The following CYP39A1 variants were observed in gnomAD, a reference collection of about 807,000 sequenced individuals.
The protein encoded by CYP39A1 is cytochrome P450 family 39 subfamily A member 1, also known as 24-hydroxycholesterol 7-alpha-hydroxylase.
In CYP39A1, 49 loss-of-function variants were observed where a neutral mutation model predicts 58.1. The ratio of observed to expected loss-of-function variants is 0.84; its 90% CI spans 0.67 to 1.07. The LOEUF (loss-of-function observed/expected upper bound fraction) is 1.07, where lower values mean the gene tolerates loss of function less well. Ranked by LOEUF, CYP39A1 falls within the 50% of genes least tolerant of loss-of-function variation. CYP39A1 has a pLI of 0.00. For missense variants in CYP39A1, 531 were observed against 539.4 expected (o/e 0.98, Z 0.16); for synonymous variants, 209 against 187.6 (o/e 1.11, Z -0.93).
intron 10 of CYP39A1, among the ~76,000 whole-genome samples, chr6:46,567,445 T>G (rs1459938993): frequency 6.6e-6 from 1 of 152,162 alleles, no homozygotes; most frequent in African/African-American, 2.4e-5. Context: ...GGGCAAATAC[T>G]TCTTTTGAGA....
rs757891262 is a variant in CYP39A1 at position 46,636,451 on chromosome 6, C to A, written c.670G>T (p.Glu224Ter). ...NWSKSKKWFLELFEKNIPDIK... is the reference protein window; with the variant it reads ...NWSKSKKWFL Reference sequence around the variant, plus strand: ...TCTGGAATGTTTTTCTCAAACAGTTCCAGGAACCACTTTTTGGATTTTGAC... The same window carrying A: ...TCTGGAATGTTTTTCTCAAACAGTTACAGGAACCACTTTTTGGATTTTGAC... Residue 224 changes from glutamate to a stop codon, truncating the protein, a stop_gained, in exon 5 of 12, where the codon GAA becomes TAA. Coordinates refer to ENST00000275016, the MANE Select transcript of CYP39A1 (RefSeq NM_016593.5). LOFTEE classifies it high-confidence loss of function. 3.1e-6 allele frequency: 5 copies of A among 1,607,972 alleles called. No homozygotes were observed. The highest frequency in any genetic ancestry group is 4.2e-6 in the Non-Finnish European group (5 of 1,178,358).
chr6:46,623,354 T>A (rs146459170), intron 7 of CYP39A1, among the ~76,000 whole-genome samples: 241 of 152,204 alleles, frequency 1.6e-3, no homozygotes, highest in African/African-American at 5.6e-3. Flanking sequence ...ACTCAACAGA[T>A]TAGATGATGC....
intron 10 of CYP39A1, among the ~76,000 whole-genome samples, chr6:46,574,343 G>T (rs1201324699): frequency 6.6e-6 from 1 of 152,152 alleles, no homozygotes; most frequent in African/African-American, 2.4e-5. Flanking sequence ...AAGGAGAGAG[G>T]GGGCAGGGAC....
intron 8 of CYP39A1, among the ~76,000 whole-genome samples, 191 bp from the exon 9 acceptor site, chr6:46,588,320 A>T (rs1772601784): frequency 6.7e-6 from 1 of 149,970 alleles, no homozygotes; most frequent in East Asian, 1.9e-4. Context: ...AAATCTAATA[A>T]TATAGTATCT....
At chr6:46,586,989 TAA>T in intron 10 of CYP39A1, 86 bp downstream of exon 10, 2 of 838,408 alleles carry the variant, frequency 2.4e-6, no homozygotes, top group Non-Finnish European at 3.9e-6. Context: ...AATATATATA[TAA>T]AGAGATTAAG....
At chr6:46,616,217 TCCCTCC>T (rs1774582024) in intron 7 of CYP39A1, among the ~76,000 whole-genome samples, 1 of 17,122 alleles carries the variant, frequency 5.8e-5, no homozygotes, top group African/African-American at 2.6e-4. Flanking sequence ...CCTCCCTCCC[TCCCTCC>T]CTCCCTCCCT....
chr6:46,574,789 A>T lies in CYP39A1; in HGVS notation c.1250+12288T>A, dbSNP rs1441764381. On this transcript the variant is annotated intron_variant, in intron 10 of 11. Coordinates refer to ENST00000275016, the MANE Select transcript of CYP39A1 (RefSeq NM_016593.5). ...TCCTGAAATTTTTGCTCAGAAATAA[A>T]CACAGTTTGTTTTAGAATCACTTTG... 2.0e-5 allele frequency among the ~76,000 whole-genome samples: 3 copies of T among 151,978 alleles called. No homozygotes were observed. The East Asian group carries it at 5.8e-4, about 29-fold the overall frequency.
At chr6:46,630,843 GT>G in intron 6 of CYP39A1, 119 bp downstream of exon 6, 1 of 813,810 alleles carries the variant, frequency 1.2e-6, no homozygotes, top group Non-Finnish European at 1.9e-6. Context: ...ATCCACTGTA[GT>G]TTTTTTCTTT....
At chr6:46,648,148 C>A (rs1411672899) in intron 1 of CYP39A1, among the ~76,000 whole-genome samples, 1 of 152,070 alleles carries the variant, frequency 6.6e-6, no homozygotes, top group Middle Eastern at 3.2e-3. Flanking sequence ...TTGACCCAGC[C>A]ATCCCATTAC....
At chr6:46,589,594 G>GGGAGA (rs1772700488) in intron 8 of CYP39A1, among the ~76,000 whole-genome samples, 1 of 152,050 alleles carries the variant, frequency 6.6e-6, no homozygotes, top group African/African-American at 2.4e-5. Flanking sequence ...TTTCAGAACT[G>GGGAGA]GGAGAGCTGG....
intron 1 of CYP39A1, among the ~76,000 whole-genome samples, chr6:46,648,654 A>G (rs1439848815): frequency 6.6e-6 from 1 of 152,092 alleles, no homozygotes; most frequent in East Asian, 1.9e-4. Flanking sequence ...TGTACCCTAG[A>G]ACTTAAAGTA....
At chr6:46,647,108 G>T (rs1431714792) in intron 1 of CYP39A1, among the ~76,000 whole-genome samples, 1 of 151,726 alleles carries the variant, frequency 6.6e-6, no homozygotes, top group African/African-American at 2.4e-5. Flanking sequence ...TATAAAAGGA[G>T]ATGATTCTTG....
chr6:46,638,496 T>C (rs1433302475), intron 3 of CYP39A1, among the ~76,000 whole-genome samples: 1 of 152,216 alleles, frequency 6.6e-6, no homozygotes, highest in Admixed American at 6.5e-5. Context: ...GTGATTACTG[T>C]AGCATACTTA....
intron 8 of CYP39A1, among the ~76,000 whole-genome samples, chr6:46,592,845 A>G (rs1331317169): frequency 1.2e-4 from 18 of 152,118 alleles, no homozygotes; most frequent in Admixed American, 1.2e-3. Flanking sequence ...AATCTCAGCT[A>G]CTTGGGAGGC....
intron 7 of CYP39A1, among the ~76,000 whole-genome samples, chr6:46,615,302 T>C (rs1774459745): frequency 6.6e-6 from 1 of 151,620 alleles, no homozygotes; most frequent in Admixed American, 6.6e-5. Context: ...TATAACTATA[T>C]ACCTTTTTAT....
At chr6:46,592,661 C>T (rs535307843) in intron 8 of CYP39A1, among the ~76,000 whole-genome samples, 28 of 151,806 alleles carry the variant, frequency 1.8e-4, no homozygotes, top group Middle Eastern at 6.9e-3. Flanking sequence ...TTTATTAAAA[C>T]AGAAAACTTT....
At chr6:46,600,801 T>C (rs1773446807) in intron 7 of CYP39A1, among the ~76,000 whole-genome samples, 1 of 152,172 alleles carries the variant, frequency 6.6e-6, no homozygotes, top group Non-Finnish European at 1.5e-5. Context: ...GTTTCTAATA[T>C]CCTTTGTAAT....
intron 7 of CYP39A1, among the ~76,000 whole-genome samples, chr6:46,601,668 T>TTAG (rs757727395): frequency 8.6e-6 from 1 of 116,384 alleles, no homozygotes; most frequent in Non-Finnish European, 1.7e-5. Flanking sequence ...AGGTTACCTA[T>TTAG]TATTATTATT....
intron 10 of CYP39A1, among the ~76,000 whole-genome samples, chr6:46,568,564 A>G (rs1771415459): frequency 6.6e-6 from 1 of 152,032 alleles, no homozygotes; most frequent in South Asian, 2.1e-4. Flanking sequence ...ATTTTGGTGT[A>G]TGGTATTAGG....
Sources: gnomAD v4.1 joint callset for allele counts (sites outside exome capture counted in the v4.1 genomes callset) on GRCh38, gnomAD v4.1.1 for gene constraint, MANE v1.5 for transcripts, NCBI Gene and HGNC (gene_info 2026-07-23, HGNC 2026-07-21) for gene names.